DLGAP1: variants seen among roughly 807,000 people sequenced by gnomAD.
DLGAP1 encodes the protein disks large-associated protein 1.
A neutral mutation model predicts 90.8 loss-of-function variants in DLGAP1; 11 were observed. That is an observed-to-expected ratio of 0.12 (90% CI 0.08 to 0.20). The LOEUF is 0.20. Among genes scored for constraint, DLGAP1 ranks in the 10% least tolerant of loss-of-function variants. DLGAP1 has a pLI of 1.00. For missense variants in DLGAP1, 1,050 were observed against 1,333.8 expected (o/e 0.79, Z 3.31); for synonymous variants, 558 against 540.7 (o/e 1.03, Z -0.44).
At chr18:3,602,661 A>T (rs972092644) in intron 7 of DLGAP1, among the ~76,000 whole-genome samples, 2 of 151,846 alleles carry the variant, frequency 1.3e-5, no homozygotes, top group African/African-American at 4.8e-5. Context: ...TGAACTGCAG[A>T]TATAAATAGA....
chr18:4,280,661 T>G (rs966459371), intron 1 of DLGAP1: 3 of 152,238 alleles, frequency 2.0e-5, no homozygotes, highest in Admixed American at 1.3e-4. Context: ...TAGACTTTTC[T>G]ACAGTCTGAT....
rs112607200 is a variant in DLGAP1, at chr18:4,224,250, T to C, written c.-266-72963A>G. On this transcript the variant is annotated intron_variant, in intron 1 of 12. Transcript: ENST00000315677. ...GGGCATTGGGTGAGACTCTGAGATG[T>C]GCTGACTTCAGGTGTGACCAACTGT... Among the ~76,000 whole-genome samples the C allele has an allele frequency of 6.9e-3, 1,058 of 152,336 alleles. 11 individuals carry two copies. The highest frequency in any genetic ancestry group is 0.024 in the African/African-American group (995 of 41,578).
intron 7 of DLGAP1, chr18:3,607,780 A>G (rs62083185): frequency 0.28 from 43,118 of 151,844 alleles, 6,721 homozygotes; most frequent in Non-Finnish European, 0.34. Context: ...AGACCCCAGT[A>G]CTGTTGATCT....
At chr18:3,503,984 T>C (rs2050079987) in intron 11 of DLGAP1, among the ~76,000 whole-genome samples, 1 of 152,154 alleles carries the variant, frequency 6.6e-6, no homozygotes. Context: ...TAATCCCAGC[T>C]GCTCAGGAGG....
chr18:4,332,195 G>A (rs997800711), intron 1 of DLGAP1, among the ~76,000 whole-genome samples: 1 of 151,942 alleles, frequency 6.6e-6, no homozygotes, highest in African/African-American at 2.4e-5. Context: ...CAGTGGTGAG[G>A]AAAATCATAT....
At chr18:4,379,097 T>TA (rs2082069638) in intron 1 of DLGAP1, among the ~76,000 whole-genome samples, 1 of 152,140 alleles carries the variant, frequency 6.6e-6, no homozygotes, top group African/African-American at 2.4e-5. Context: ...CTGAATCAAT[T>TA]ACTAGTAGTT....
intron 1 of DLGAP1, among the ~76,000 whole-genome samples, chr18:4,304,404 C>T (rs2080199464): frequency 6.6e-6 from 1 of 152,146 alleles, no homozygotes; most frequent in East Asian, 1.9e-4. Context: ...TTTCAAACAC[C>T]TATTTGTGCT....
chr18:3,798,654 T>C (rs1397392828), intron 5 of DLGAP1, among the ~76,000 whole-genome samples: 1 of 152,118 alleles, frequency 6.6e-6, no homozygotes, highest in African/African-American at 2.4e-5. Flanking sequence ...TCTAAGGTTG[T>C]TTATTTATTT....
intron 1 of DLGAP1, among the ~76,000 whole-genome samples, chr18:4,164,106 G>C (rs2076893239): frequency 6.6e-6 from 1 of 152,038 alleles, no homozygotes; most frequent in South Asian, 2.1e-4. Flanking sequence ...ACTGCCATTG[G>C]AACCATGGTC....
rs982967408 is a variant in DLGAP1, at chr18:3,497,232, G to A, written c.*1953C>T. 2 of 152,136 alleles carry A rather than the reference G, an allele frequency of 1.3e-5. No homozygotes were observed. The highest frequency in any genetic ancestry group is 3.9e-4 in the East Asian group (2 of 5,182). The allele number at this position is 152,136 out of a possible 1,614,324, so 9.4% of individuals were successfully genotyped here. A position where few individuals can be genotyped will look rare whatever the true frequency, so the allele number is the denominator to read the frequency against. On this transcript the variant is annotated 3_prime_UTR_variant, in exon 13 of 13. Coordinates refer to ENST00000315677, the MANE Select transcript of DLGAP1 (RefSeq NM_004746.4). The stretch of plus-strand genomic sequence containing the variant: ...GTGTGACTTTTAATTGCTGCTACAA[G>A]GTAAAGAAAAGGTGTATTCTTTTTA...
intron 1 of DLGAP1, among the ~76,000 whole-genome samples, chr18:4,418,162 C>G (rs1029946876): frequency 6.6e-6 from 1 of 152,114 alleles, no homozygotes; most frequent in Non-Finnish European, 1.5e-5. Flanking sequence ...CAACTCCTAA[C>G]TAGTTTTACT....
At chr18:3,780,837 A>G (rs9947541) in intron 5 of DLGAP1, among the ~76,000 whole-genome samples, 3,264 of 151,876 alleles carry the variant, frequency 0.021, 126 homozygotes, top group African/African-American at 0.074. Flanking sequence ...GTCATGCTAT[A>G]TGTTGCCCAC....
chr18:3,677,960 G>GT (rs71160908), intron 7 of DLGAP1, among the ~76,000 whole-genome samples: 3,528 of 81,124 alleles, frequency 0.043, 280 homozygotes, highest in East Asian at 0.15. Context: ...TGCCCGGTGG[G>GT]TTTTTTTTTT....
chr18:3,867,119 T>C (rs2070444639), intron 4 of DLGAP1, among the ~76,000 whole-genome samples: 2 of 152,214 alleles, frequency 1.3e-5, no homozygotes, highest in African/African-American at 4.8e-5. Context: ...CCCAAAGTGC[T>C]GGGATTACAG....
At chr18:3,741,690 C>A (rs764458166) in intron 6 of DLGAP1, among the ~76,000 whole-genome samples, 3 of 152,132 alleles carry the variant, frequency 2.0e-5, no homozygotes, top group Non-Finnish European at 4.4e-5. Context: ...TAATTCTCAC[C>A]TTGATGATCA....
intron 7 of DLGAP1, among the ~76,000 whole-genome samples, chr18:3,647,500 C>T (rs1599712031): frequency 6.7e-6 from 1 of 148,836 alleles, no homozygotes. Context: ...GAGACTTGCT[C>T]TGTCACCCAG....
At chr18:4,280,778 T>C (rs2079532219) in intron 1 of DLGAP1, 1 of 152,218 alleles carries the variant, frequency 6.6e-6, no homozygotes, top group African/African-American at 2.4e-5. Context: ...TAAGCAACGA[T>C]GACCTCTTAA....
chr18:3,828,639 C>CAAAAAAAA (rs71368713), intron 4 of DLGAP1, among the ~76,000 whole-genome samples: 1 of 21,360 alleles, frequency 4.7e-5, no homozygotes, highest in Non-Finnish European at 8.2e-5. Flanking sequence ...GACTCTATCT[C>CAAAAAAAA]AAAAAAAAAA....
intron 5 of DLGAP1, among the ~76,000 whole-genome samples, chr18:3,797,589 A>G (rs148661602): frequency 3.2e-4 from 49 of 152,348 alleles, no homozygotes; most frequent in African/African-American, 1.2e-3. Context: ...AACAAAAGAA[A>G]GAAAGCTTTG....
Sources: gnomAD v4.1 joint callset for allele counts (sites outside exome capture counted in the v4.1 genomes callset) on GRCh38, gnomAD v4.1.1 for gene constraint, MANE v1.5 for transcripts, NCBI Gene and HGNC (gene_info 2026-07-23, HGNC 2026-07-21) for gene names.